Variants in FHL1 observed in about 807,000 individuals in gnomAD.
The protein encoded by FHL1 is four and a half LIM domains 1.
Under a neutral mutation model 20.3 loss-of-function variants are expected in FHL1, and 1 was observed. The observed-to-expected ratio is 0.05, with a 90% CI of 0.02 to 0.23. The LOEUF (loss-of-function observed/expected upper bound fraction) is 0.23, where lower values mean the gene tolerates loss of function less well. FHL1 is among the 10% of genes least tolerant of loss of function. The probability of loss-of-function intolerance (pLI) is 1.00; values close to 1 mark genes in which losing one functional copy is unlikely to be tolerated. For synonymous variants in FHL1, 82 were observed against 88.9 expected, an observed-to-expected ratio of 0.92 and a Z score of 0.44; for missense variants, 177 against 234.0, an observed-to-expected ratio of 0.76 and a Z score of 1.59.
intron 1 of FHL1, among the ~76,000 whole-genome samples, chrX:136,201,461 G>A (rs1193856330): frequency 1.9e-5 from 2 of 106,749 alleles, no homozygotes. Context: ...ATTCCCAGAG[G>A]TAGGTCTTAT....
intron 1 of FHL1, among the ~76,000 whole-genome samples, chrX:136,202,177 C>T (rs751027578): frequency 2.5e-4 from 28 of 110,379 alleles, no homozygotes; most frequent in African/African-American, 8.2e-4. Context: ...CCAGCCTGCC[C>T]GACATGGCGA....
chrX:136,160,433 T>C (rs985614017), intron 1 of FHL1, among the ~76,000 whole-genome samples: 1 of 111,809 alleles, frequency 8.9e-6, no homozygotes, highest in Admixed American at 9.5e-5. Flanking sequence ...TTTGTTTGTT[T>C]GTTTGTTTTT....
chrX:136,177,013 TACAC>T (rs10527786), intron 2 of FHL1, among the ~76,000 whole-genome samples: 30 of 88,666 alleles, frequency 3.4e-4, no homozygotes, highest in African/African-American at 8.7e-4. Context: ...CATGTAGAAA[TACAC>T]ACACACACAC....
At chrX:136,193,082 T>TAAAAAAAAA (rs57788194), upstream of FHL1, among the ~76,000 whole-genome samples, 1 of 95,543 alleles carries the variant, frequency 1.0e-5, no homozygotes. Flanking sequence ...AAGAGTCATG[T>TAAAAAAAAA]AAAAAAAAAA....
At chrX:136,168,442 A>G (rs2072772115), upstream of FHL1, among the ~76,000 whole-genome samples, 1 of 112,135 alleles carries the variant, frequency 8.9e-6, no homozygotes, top group Admixed American at 9.4e-5. Context: ...GGACAAAGAA[A>G]ACCTAACATG....
At chrX:136,197,639 A>G (rs1170493385) in intron 1 of FHL1, among the ~76,000 whole-genome samples, 1 of 112,843 alleles carries the variant, frequency 8.9e-6, no homozygotes, top group African/African-American at 3.2e-5. Context: ...AGTAACAGCT[A>G]TGTTCCTTTT....
chrX:136,179,521 A>C (rs1791474414), intron 2 of FHL1, among the ~76,000 whole-genome samples: 1 of 111,588 alleles, frequency 9.0e-6, no homozygotes, highest in Admixed American at 9.5e-5. Flanking sequence ...CTTAAATTGT[A>C]CTCTGCTTTC....
At chrX:136,153,825 T>A (rs947684424) in intron 1 of FHL1, among the ~76,000 whole-genome samples, 1 of 111,652 alleles carries the variant, frequency 9.0e-6, no homozygotes, top group African/African-American at 3.3e-5. Flanking sequence ...TATAGTGTGT[T>A]ATTTTTTTTT....
chrX:136,156,741 A>T lies in FHL1; in HGVS notation c.-101+9113A>T, dbSNP rs1603243114. Among the ~76,000 whole-genome samples, 3 of 111,908 alleles carry T rather than the reference A, an allele frequency of 2.7e-5. No individual in the cohort carries two copies. In the South Asian group the frequency reaches 1.1e-3, roughly 42 times the overall value. On this transcript the variant is annotated intron_variant, in intron 1 of 7. Transcript: ENST00000394155. ...ACTTGATTAATTTATAAGTCTTGTCACTCACTTTTAGTTTTAGAGTGTGGA... is the reference window on the plus strand; with the variant it reads ...ACTTGATTAATTTATAAGTCTTGTCTCTCACTTTTAGTTTTAGAGTGTGGA...
intron 1 of FHL1, among the ~76,000 whole-genome samples, chrX:136,152,390 C>T (rs936572308): frequency 2.7e-5 from 3 of 111,759 alleles, no homozygotes; most frequent in Admixed American, 9.5e-5. Context: ...GTAAGTTGAG[C>T]CTCTTGGAGA....
chrX:136,147,047 C>G, upstream of FHL1: 1 of 273,066 alleles, frequency 3.7e-6, no homozygotes, highest in Non-Finnish European at 7.0e-6. Flanking sequence ...AGACGCCACC[C>G]TCACTTGGCT....
chrX:136,150,049 A>G (rs2072224700), intron 1 of FHL1, among the ~76,000 whole-genome samples: 1 of 111,953 alleles, frequency 8.9e-6, no homozygotes, highest in Non-Finnish European at 1.9e-5. Flanking sequence ...AGTGGGCTTT[A>G]AGTTTCTCTC....
chrX:136,187,378 G>A (rs1027117994), intron 2 of FHL1, among the ~76,000 whole-genome samples: 18 of 111,761 alleles, frequency 1.6e-4, no homozygotes, highest in African/African-American at 5.9e-4. Flanking sequence ...TATTATAGTG[G>A]CTAAAAAGTG....
upstream of FHL1, among the ~76,000 whole-genome samples, chrX:136,194,124 C>G (rs5975698): frequency 0.36 from 39,699 of 110,469 alleles, 5,191 homozygotes; most frequent in East Asian, 0.43. Flanking sequence ...AGTCTTTTCT[C>G]ATCTCCAAAC....
At chrX:136,175,463 T>C (rs747168053) in intron 2 of FHL1, among the ~76,000 whole-genome samples, 1 of 112,371 alleles carries the variant, frequency 8.9e-6, no homozygotes, top group African/African-American at 3.2e-5. Context: ...AATCATACTT[T>C]GGGAAATGTG....
intron 3 of FHL1, chrX:136,207,501 G>T: frequency 2.3e-6 from 1 of 427,213 alleles, no homozygotes; most frequent in Non-Finnish European, 4.1e-6. Context: ...TGTCATTCTG[G>T]GCCAGGCAGT....
At chrX:136,207,609 A>G in intron 3 of FHL1, 183 bp from the exon 4 acceptor site, 1 of 489,400 alleles carries the variant, frequency 2.0e-6, no homozygotes, top group Non-Finnish European at 3.5e-6. Context: ...GTCCCCACCC[A>G]TGACAGAAAT....
At chrX:136,182,001 C>T (rs2073169723) in intron 2 of FHL1, among the ~76,000 whole-genome samples, 1 of 111,865 alleles carries the variant, frequency 8.9e-6, no homozygotes, top group Admixed American at 9.5e-5. Flanking sequence ...CTATAGAATG[C>T]TGTTAAAGAA....
At chrX:136,209,753 T>C in intron 5 of FHL1, 118 bp from the exon 6 acceptor site, 1 of 870,591 alleles carries the variant, frequency 1.1e-6, no homozygotes, top group Non-Finnish European at 1.6e-6. Flanking sequence ...TCTTGCGTGC[T>C]TGTCGGTCTG....
Sources: allele counts gnomAD v4.1 joint callset (sites outside exome capture counted in the v4.1 genomes callset), GRCh38; gene constraint gnomAD v4.1.1; transcripts MANE v1.5; gene names NCBI Gene and HGNC (gene_info 2026-07-23, HGNC 2026-07-21).